The following DOK6 variants were observed in gnomAD, a reference collection of about 807,000 sequenced individuals.
DOK6 encodes the protein docking protein 6.
DOK6 carries 22 observed loss-of-function variants against 44.0 expected under a neutral mutation model. That is an observed-to-expected ratio of 0.50 (90% CI 0.36 to 0.71). The LOEUF is 0.71. Ranked by LOEUF, DOK6 falls within the 30% of genes least tolerant of loss-of-function variation. DOK6 has a pLI of 0.00. For synonymous variants in DOK6, 166 were observed against 145.5 expected (o/e 1.14, Z -1.01); for missense variants, 340 against 416.4 (o/e 0.82, Z 1.60).
At chr18:69,797,237 C>G (rs1026766420) in intron 7 of DOK6, among the ~76,000 whole-genome samples, 1 of 152,102 alleles carries the variant, frequency 6.6e-6, no homozygotes, top group Non-Finnish European at 1.5e-5. Context: ...TCAGATATAA[C>G]TCGTCTAAGA....
chr18:69,507,150 C>G (rs978392490), intron 1 of DOK6, among the ~76,000 whole-genome samples: 11 of 151,998 alleles, frequency 7.2e-5, no homozygotes, highest in Non-Finnish European at 1.3e-4. Context: ...GCCTCAGCCT[C>G]TCAAGTAGCT....
intron 7 of DOK6, among the ~76,000 whole-genome samples, chr18:69,800,349 T>A (rs977655623): frequency 2.6e-5 from 4 of 152,170 alleles, no homozygotes; most frequent in African/African-American, 9.6e-5. Context: ...TAAATCATCC[T>A]GCGCTTATTT....
In DOK6 at chr18:69,565,523, A is replaced by G. The variant is rs62095331; in HGVS notation, c.174+929A>G. On this transcript the variant is annotated intron_variant, in intron 2 of 7. Transcript: ENST00000382713. ...TGTGTGTGTGTGTGTGTGTGTGTGTATATATATATACATAATTTTAAAAAT... is the reference window on the plus strand; with the variant it reads ...TGTGTGTGTGTGTGTGTGTGTGTGTGTATATATATACATAATTTTAAAAAT... Among the ~76,000 whole-genome samples, 38 of 2,592 alleles carry G rather than the reference A, an allele frequency of 0.015. No individual in the cohort carries two copies. The East Asian group carries it at 0.15, about 10-fold the overall frequency. The allele number at this position is 2,592 out of a possible 152,430, so 1.7% of individuals were successfully genotyped here.
intron 1 of DOK6, among the ~76,000 whole-genome samples, chr18:69,500,066 A>G (rs1981004835): frequency 6.6e-6 from 1 of 152,122 alleles, no homozygotes; most frequent in African/African-American, 2.4e-5. Context: ...CATCGACTTC[A>G]ACCTCAGTTT....
At chr18:69,517,091 T>C (rs975618411) in intron 1 of DOK6, among the ~76,000 whole-genome samples, 6 of 152,192 alleles carry the variant, frequency 3.9e-5, no homozygotes, top group Non-Finnish European at 5.9e-5. Flanking sequence ...TTTGAATCTA[T>C]TTCTCACAGT....
chr18:69,438,781 G>A (rs72955495), intron 1 of DOK6, among the ~76,000 whole-genome samples: 20,195 of 152,146 alleles, frequency 0.13, 1,677 homozygotes, highest in South Asian at 0.28. Context: ...GCATAAAAAT[G>A]ACAATTATCA....
chr18:69,632,732 A>G (rs1243671285), intron 3 of DOK6, among the ~76,000 whole-genome samples: 1 of 152,254 alleles, frequency 6.6e-6, no homozygotes, highest in Non-Finnish European at 1.5e-5. Flanking sequence ...TCAAAAACAT[A>G]TATTGATTTA....
At chr18:69,525,785 G>C (rs1444827974) in intron 1 of DOK6, among the ~76,000 whole-genome samples, 1 of 151,914 alleles carries the variant, frequency 6.6e-6, no homozygotes, top group African/African-American at 2.4e-5. Flanking sequence ...TCCAATAAAA[G>C]TTTCTTTATG....
At chr18:69,647,908 C>G (rs1424894270) in intron 3 of DOK6, among the ~76,000 whole-genome samples, 1 of 151,992 alleles carries the variant, frequency 6.6e-6, no homozygotes, top group Non-Finnish European at 1.5e-5. Flanking sequence ...TAAACAGGAC[C>G]CTGCTAGTGA....
chr18:69,688,647 C>T (rs1254014914), intron 4 of DOK6, among the ~76,000 whole-genome samples: 1 of 152,124 alleles, frequency 6.6e-6, no homozygotes. Context: ...CTCAGTCTCC[C>T]GAGCAGCTGG....
chr18:69,601,998 A>T (rs1983884678), intron 3 of DOK6, among the ~76,000 whole-genome samples: 1 of 152,246 alleles, frequency 6.6e-6, no homozygotes, highest in Non-Finnish European at 1.5e-5. Context: ...TCCATGCTTT[A>T]GCAATGCTTG....
At chr18:69,487,852 A>G (rs1386028056) in intron 1 of DOK6, among the ~76,000 whole-genome samples, 1 of 151,894 alleles carries the variant, frequency 6.6e-6, no homozygotes, top group Admixed American at 6.6e-5. Flanking sequence ...CATCTGGGTT[A>G]CTCCCCAAAT....
intron 1 of DOK6, among the ~76,000 whole-genome samples, chr18:69,425,349 T>C (rs1474254402): frequency 6.6e-6 from 1 of 152,016 alleles, no homozygotes; most frequent in Non-Finnish European, 1.5e-5. Context: ...AGCCACCTTG[T>C]TTAAAAGCTT....
intron 1 of DOK6, among the ~76,000 whole-genome samples, chr18:69,538,697 A>G (rs1192472458): frequency 6.6e-6 from 1 of 151,702 alleles, no homozygotes; most frequent in Non-Finnish European, 1.5e-5. Flanking sequence ...TTACTACACC[A>G]ACCTTTCTAT....
intron 3 of DOK6, among the ~76,000 whole-genome samples, chr18:69,656,931 C>T (rs1234727248): frequency 6.6e-6 from 1 of 152,122 alleles, no homozygotes; most frequent in African/African-American, 2.4e-5. Context: ...AGAATCCACT[C>T]TAACAACCCT....
At chr18:69,603,633 T>C (rs1983925133) in intron 3 of DOK6, among the ~76,000 whole-genome samples, 1 of 151,800 alleles carries the variant, frequency 6.6e-6, no homozygotes. Context: ...TAGCCGGGTG[T>C]GGTGGCGGGC....
chr18:69,673,198 A>G lies in DOK6; in HGVS notation c.290-4536A>G, dbSNP rs111474240. Among the ~76,000 whole-genome samples, 794 of 151,544 alleles carry G rather than the reference A, an allele frequency of 5.2e-3. 6 individuals are homozygous for G. The highest frequency in any genetic ancestry group is 0.019 in the African/African-American group (776 of 41,362). The stretch of plus-strand genomic sequence containing the variant: ...GCAGTGCTGTTTTTAATTCTGCTAC[A>G]TAATTTTGGGCTGATAGCATATTTT... On this transcript the variant is annotated intron_variant, in intron 3 of 7. Transcript: ENST00000382713.
At chr18:69,689,623 T>A (rs948120484) in intron 4 of DOK6, among the ~76,000 whole-genome samples, 8 of 152,164 alleles carry the variant, frequency 5.3e-5, no homozygotes, top group Non-Finnish European at 7.4e-5. Flanking sequence ...GTTTATAGTA[T>A]TTGCTCCAGT....
At chr18:69,568,458 G>A (rs2144601164) in intron 2 of DOK6, among the ~76,000 whole-genome samples, 1 of 152,298 alleles carries the variant, frequency 6.6e-6, no homozygotes, top group Middle Eastern at 3.4e-3. Flanking sequence ...TCATTTTGGA[G>A]GAAAGTCAGA....
Sources: allele counts gnomAD v4.1 joint callset (sites outside exome capture counted in the v4.1 genomes callset), GRCh38; gene constraint gnomAD v4.1.1; transcripts MANE v1.5; gene names NCBI Gene and HGNC (gene_info 2026-07-23, HGNC 2026-07-21).